RBFOX1: variants seen among roughly 807,000 people sequenced by gnomAD.
RBFOX1 encodes the protein RNA binding protein fox-1 homolog 1.
RBFOX1 carries 8 observed loss-of-function variants against 57.7 expected under a neutral mutation model. The observed-to-expected ratio is 0.14, with a 90% CI of 0.08 to 0.25. RBFOX1 has a LOEUF of 0.25. Among genes scored for constraint, RBFOX1 ranks in the 10% least tolerant of loss-of-function variants. The pLI, the probability that RBFOX1 is intolerant of heterozygous loss-of-function variation, is 1.00. For synonymous variants in RBFOX1, 326 were observed against 222.4 expected, an observed-to-expected ratio of 1.47 and a Z score of -4.15; for missense variants, 611 against 548.5, an observed-to-expected ratio of 1.11 and a Z score of -1.14.
chr16:5,508,832 G>A (rs908462423), intron 2 of RBFOX1, among the ~76,000 whole-genome samples: 4 of 152,234 alleles, frequency 2.6e-5, no homozygotes. Context: ...CATTGCCTCT[G>A]GAATGTGGTG....
intron 1 of RBFOX1, among the ~76,000 whole-genome samples, chr16:6,050,269 C>T (rs1267006464): frequency 6.6e-6 from 1 of 152,100 alleles, no homozygotes; most frequent in African/African-American, 2.4e-5. Context: ...CTGTATTAAG[C>T]ATCTTTTAAT....
At chr16:6,844,996 C>G (rs955805956) in intron 3 of RBFOX1, among the ~76,000 whole-genome samples, 1 of 152,142 alleles carries the variant, frequency 6.6e-6, no homozygotes, top group Admixed American at 6.5e-5. Context: ...TGAGAATTGT[C>G]TGTTTATGTC....
chr16:6,750,510 G>C (rs1033487728), intron 3 of RBFOX1, among the ~76,000 whole-genome samples: 1 of 152,208 alleles, frequency 6.6e-6, no homozygotes, highest in Non-Finnish European at 1.5e-5. Context: ...TTGATACGCT[G>C]TTAACAGCAG....
chr16:5,769,802 G>A (rs2053917138), intron 3 of RBFOX1, among the ~76,000 whole-genome samples: 1 of 152,288 alleles, frequency 6.6e-6, no homozygotes, highest in Non-Finnish European at 1.5e-5. Context: ...TCAATACCTT[G>A]ATTTTGGACT....
In RBFOX1 at chr16:6,104,381, A is replaced by C. The variant is rs1014013951; in HGVS notation, c.-127+84389A>C. On this transcript the variant is annotated intron_variant, in intron 1 of 15. Transcript: ENST00000550418. ...CTTCTTCCAAGAGTCAAGTGACACT[A>C]TCTTGGAAATAAGGTAATATTCAAA... Among the ~76,000 whole-genome samples the C allele has an allele frequency of 4.6e-5, 7 of 152,358 alleles. No homozygotes were observed. The South Asian group carries it at 1.4e-3, about 32-fold the overall frequency.
intron 4 of RBFOX1, among the ~76,000 whole-genome samples, chr16:7,299,314 G>A (rs566613125): frequency 6.6e-6 from 1 of 152,298 alleles, no homozygotes; most frequent in African/African-American, 2.4e-5. Context: ...ATGTAACTTT[G>A]AAAAGCTCAT....
intron 2 of RBFOX1, among the ~76,000 whole-genome samples, chr16:6,559,922 A>G (rs1331979993): frequency 6.6e-6 from 1 of 152,112 alleles, no homozygotes; most frequent in Non-Finnish European, 1.5e-5. Flanking sequence ...TCATTAATTG[A>G]ACTCATATTG....
intron 3 of RBFOX1, among the ~76,000 whole-genome samples, chr16:6,827,522 A>C (rs117306572): frequency 0.034 from 5,108 of 152,244 alleles, 284 homozygotes; most frequent in East Asian, 0.14. Context: ...TCAAAGCCTG[A>C]GTGTGACCAT....
At chr16:7,617,454 C>G (rs540847757) in intron 10 of RBFOX1, among the ~76,000 whole-genome samples, 2 of 152,178 alleles carry the variant, frequency 1.3e-5, no homozygotes, top group South Asian at 4.1e-4. Context: ...CTTTGCTGAG[C>G]TTGGCTTGAA....
intron 14 of RBFOX1, among the ~76,000 whole-genome samples, chr16:7,702,782 A>C (rs1278913940): frequency 1.3e-5 from 2 of 152,236 alleles, no homozygotes; most frequent in African/African-American, 4.8e-5. Flanking sequence ...GGGCAAAAGC[A>C]ACAACTCATT....
chr16:6,902,527 G>A lies in RBFOX1; in HGVS notation c.-15-149530G>A, dbSNP rs376745238. On this transcript the variant is annotated intron_variant, in intron 3 of 15. Coordinates refer to ENST00000550418, the MANE Select transcript of RBFOX1 (RefSeq NM_018723.4). ...ACTTGAGGGCAGGAGTTCAAGACCA[G>A]CCTAACCAACATGGTAATGCCCTGT... 5.3e-5 allele frequency among the ~76,000 whole-genome samples: 8 copies of A among 152,250 alleles called. No individual in the cohort carries two copies. In the East Asian group the frequency reaches 7.7e-4, roughly 15 times the overall value.
chr16:6,738,319 T>A (rs2071018533), intron 3 of RBFOX1, among the ~76,000 whole-genome samples: 1 of 152,004 alleles, frequency 6.6e-6, no homozygotes, highest in Non-Finnish European at 1.5e-5. Flanking sequence ...GGAACTGAGA[T>A]GAAGCCTGGA....
At chr16:6,923,407 C>G (rs992858219) in intron 3 of RBFOX1, among the ~76,000 whole-genome samples, 4 of 152,122 alleles carry the variant, frequency 2.6e-5, no homozygotes, top group Non-Finnish European at 5.9e-5. Context: ...GTGGGGAACA[C>G]TTGTAATTCC....
At chr16:7,035,791 C>T (rs2044226760) in intron 3 of RBFOX1, among the ~76,000 whole-genome samples, 1 of 151,946 alleles carries the variant, frequency 6.6e-6, no homozygotes. Flanking sequence ...GTTAGGATTC[C>T]TTAAGTTGGG....
intron 3 of RBFOX1, among the ~76,000 whole-genome samples, chr16:6,903,271 A>C (rs1168617259): frequency 6.6e-6 from 1 of 152,188 alleles, no homozygotes; most frequent in African/African-American, 2.4e-5. Context: ...AGGGGAGCTC[A>C]TATGGCCAGG....
At position 5,634,705 on chromosome 16, in the gene RBFOX1, G is replaced by A. The variant is rs575980686; in HGVS notation, c.318+35744G>A. On this transcript the variant is annotated intron_variant, in intron 3 of 19. Transcript: ENST00000641259. Reference sequence around the variant, plus strand: ...GCAGGAGGCAGCAAATTGGGATGGGGAGCCAGGAGTCAGGGCCCACCAGCG... The same window carrying A: ...GCAGGAGGCAGCAAATTGGGATGGGAAGCCAGGAGTCAGGGCCCACCAGCG... Among the ~76,000 whole-genome samples, 6 of 152,238 alleles carry A rather than the reference G, an allele frequency of 3.9e-5. No homozygotes were observed. In the East Asian group the frequency reaches 1.2e-3, roughly 29 times the overall value.
intron 4 of RBFOX1, among the ~76,000 whole-genome samples, chr16:5,956,673 TATA>T (rs1567189818): frequency 9.2e-5 from 5 of 54,580 alleles, no homozygotes; most frequent in East Asian, 9.9e-4. Flanking sequence ...TATATATATA[TATA>T]TATTTTTTTT....
At chr16:6,376,847 C>T (rs2091239318) in intron 2 of RBFOX1, among the ~76,000 whole-genome samples, 1 of 152,160 alleles carries the variant, frequency 6.6e-6, no homozygotes, top group Admixed American at 6.5e-5. Context: ...TTTCCTCTTT[C>T]AGCTTCTAGT....
intron 3 of RBFOX1, among the ~76,000 whole-genome samples, chr16:6,859,750 C>T (rs553476684): frequency 6.6e-6 from 1 of 152,250 alleles, no homozygotes; most frequent in South Asian, 2.1e-4. Flanking sequence ...TTGACAATAG[C>T]AGACATGTTA....
Sources: allele counts gnomAD v4.1 joint callset (sites outside exome capture counted in the v4.1 genomes callset), GRCh38; gene constraint gnomAD v4.1.1; transcripts MANE v1.5; gene names NCBI Gene and HGNC (gene_info 2026-07-23, HGNC 2026-07-21).